Variants in SEMA3E observed in about 807,000 individuals in gnomAD.
SEMA3E encodes the protein semaphorin 3E, also known as semaphorin-3E.
Under a neutral mutation model 93.6 loss-of-function variants are expected in SEMA3E, and 49 were observed. The ratio of observed to expected loss-of-function variants is 0.52; its 90% CI spans 0.42 to 0.66. The LOEUF (loss-of-function observed/expected upper bound fraction) is 0.66, where lower values mean the gene tolerates loss of function less well. Ranked by LOEUF, SEMA3E falls within the 30% of genes least tolerant of loss-of-function variation. The pLI is 0.00. For missense variants in SEMA3E, 906 were observed against 964.8 expected, an observed-to-expected ratio of 0.94 and a Z score of 0.81; for synonymous variants, 363 against 330.7, an observed-to-expected ratio of 1.10 and a Z score of -1.06.
chr7:83,454,272 A>AAATATATATATATATATAT (rs1257792756), intron 4 of SEMA3E, among the ~76,000 whole-genome samples: 4 of 110,136 alleles, frequency 3.6e-5, no homozygotes, highest in African/African-American at 1.7e-4. Flanking sequence ...AAAAAAAAAA[A>AAATATATATATATATATAT]ATATATATAT....
At chr7:83,529,158 T>A (rs149853141) in intron 1 of SEMA3E, among the ~76,000 whole-genome samples, 1 of 152,248 alleles carries the variant, frequency 6.6e-6, no homozygotes, top group Non-Finnish European at 1.5e-5. Flanking sequence ...AAGCAGCTCT[T>A]CAGATGACTA....
At position 83,407,182 on chromosome 7, in the gene SEMA3E, T is replaced by C; in HGVS notation, c.728A>G (p.Lys243Arg). 1 of 1,613,556 alleles carries C rather than the reference T, an allele frequency of 6.2e-7. No homozygotes were observed. ...CTTCTCAGTAAAAAAGAAATATACT[T>C]TGTTGTCATCTCTGTCTTCATTGTC... is the stretch of plus-strand genomic sequence containing the variant. ...IPDNEDRDDN[K>R]VYFFFTEKAL... The change falls in exon 7 of 17, where the codon AAA becomes AGA. Residue 243 changes from lysine to arginine, a missense_variant. Lys to Arg is a conservative substitution (Grantham distance 26). Coordinates refer to ENST00000643230, the MANE Select transcript of SEMA3E (RefSeq NM_012431.3).
chr7:83,389,170 A>G (rs1441094560), intron 14 of SEMA3E, among the ~76,000 whole-genome samples: 1 of 152,124 alleles, frequency 6.6e-6, no homozygotes, highest in East Asian at 1.9e-4. Context: ...AAGTTGTATG[A>G]TTCTATATTG....
intron 2 of SEMA3E, among the ~76,000 whole-genome samples, chr7:83,474,333 C>T (rs1789965967): frequency 6.6e-6 from 1 of 151,784 alleles, no homozygotes; most frequent in South Asian, 2.1e-4. Context: ...AATTTATTAT[C>T]ATAGAAACAA....
At chr7:83,545,898 ATATTATATAT>A (rs199609687) in intron 1 of SEMA3E, among the ~76,000 whole-genome samples, 14,508 of 95,502 alleles carry the variant, frequency 0.15, 947 homozygotes, top group East Asian at 0.28. Context: ...TATGATAAAA[ATATTATATAT>A]TATATATATT....
intron 1 of SEMA3E, among the ~76,000 whole-genome samples, chr7:83,558,284 A>T (rs1791961507): frequency 6.6e-6 from 1 of 152,164 alleles, no homozygotes; most frequent in Non-Finnish European, 1.5e-5. Flanking sequence ...GCAATGATTC[A>T]AATAATTATG....
At chr7:83,614,476 T>C (rs1793325810) in intron 1 of SEMA3E, among the ~76,000 whole-genome samples, 1 of 152,144 alleles carries the variant, frequency 6.6e-6, no homozygotes, top group African/African-American at 2.4e-5. Context: ...TGCTTAGTCA[T>C]GTCTAGTAGC....
chr7:83,539,326 T>A (rs1312950599), intron 1 of SEMA3E, among the ~76,000 whole-genome samples: 1 of 152,194 alleles, frequency 6.6e-6, no homozygotes, highest in Non-Finnish European at 1.5e-5. Context: ...TTCTGCTTTA[T>A]CTTCTACAGT....
intron 2 of SEMA3E, among the ~76,000 whole-genome samples, chr7:83,480,456 G>A (rs1584277656): frequency 1.3e-5 from 2 of 151,952 alleles, no homozygotes; most frequent in African/African-American, 2.4e-5. Flanking sequence ...AACGCTATTA[G>A]TATTAAGATG....
intron 4 of SEMA3E, among the ~76,000 whole-genome samples, chr7:83,454,909 C>G (rs1260341269): frequency 3.3e-5 from 5 of 152,148 alleles, no homozygotes; most frequent in African/African-American, 1.2e-4. Flanking sequence ...CATTTCCAGT[C>G]TATAACATTT....
chr7:83,635,408 T>C (rs1793862374), intron 1 of SEMA3E, among the ~76,000 whole-genome samples: 1 of 151,858 alleles, frequency 6.6e-6, no homozygotes, highest in African/African-American at 2.4e-5. Flanking sequence ...AATAAAATAA[T>C]CCAGTGCTTC....
intron 1 of SEMA3E, among the ~76,000 whole-genome samples, chr7:83,588,768 G>C (rs1792687061): frequency 6.6e-6 from 1 of 152,102 alleles, no homozygotes; most frequent in South Asian, 2.1e-4. Context: ...AAGTAAATGA[G>C]TCATAACAAT....
At chr7:83,615,245 CT>C (rs1278790094) in intron 1 of SEMA3E, among the ~76,000 whole-genome samples, 1 of 152,070 alleles carries the variant, frequency 6.6e-6, no homozygotes, top group Non-Finnish European at 1.5e-5. Context: ...CATTGTTATC[CT>C]TAGTTGGAGA....
intron 1 of SEMA3E, among the ~76,000 whole-genome samples, chr7:83,514,584 C>T (rs1790890849): frequency 6.6e-6 from 1 of 151,930 alleles, no homozygotes; most frequent in African/African-American, 2.4e-5. Context: ...AACTGCATAC[C>T]AAACATTAAA....
chr7:83,453,421 G>GA lies in SEMA3E; in HGVS notation c.456+13060dup, dbSNP rs34099626. 4.9e-3 allele frequency among the ~76,000 whole-genome samples: 668 copies of GA among 136,874 alleles called. 9 individuals are homozygous for GA. The highest frequency in any genetic ancestry group is 0.016 in the African/African-American group (565 of 35,820). 89.8% of individuals were successfully genotyped at this position (136,874 alleles called of 152,430 possible). The stretch of plus-strand genomic sequence containing the variant: ...GTAAAATAATCCCATTCTCCCTACT[G>GA]AAAAAAAAAAAAAAAGTACCATTGT... On this transcript the variant is annotated intron_variant, in intron 4 of 16. Coordinates refer to ENST00000643230, the MANE Select transcript of SEMA3E (RefSeq NM_012431.3).
intron 1 of SEMA3E, among the ~76,000 whole-genome samples, chr7:83,558,541 T>C (rs993547189): frequency 1.3e-5 from 2 of 152,100 alleles, no homozygotes; most frequent in Non-Finnish European, 2.9e-5. Flanking sequence ...AAAAGTACAG[T>C]TGTCAAATTA....
At chr7:83,575,185 T>A (rs215287) in intron 1 of SEMA3E, among the ~76,000 whole-genome samples, 64,758 of 151,448 alleles carry the variant, frequency 0.43, 14,938 homozygotes, top group African/African-American at 0.61. Flanking sequence ...TTGTTGAAAA[T>A]TCTAAAAATA....
chr7:83,398,366 C>T lies in SEMA3E; in HGVS notation c.1367-1637G>A, dbSNP rs937956955. ...CCATTAAAGTAACAGAAAAAAACCG[C>T]AATTACTTTTGCACCAAACTAATAC... On this transcript the variant is annotated intron_variant, in intron 11 of 16. Transcript: ENST00000643230. Among the ~76,000 whole-genome samples, 3 of 152,112 alleles carry T rather than the reference C, an allele frequency of 2.0e-5. No individual in the cohort carries two copies. The East Asian group carries it at 5.8e-4, about 29-fold the overall frequency.
At chr7:83,524,932 C>T (rs1463905024) in intron 1 of SEMA3E, among the ~76,000 whole-genome samples, 1 of 151,938 alleles carries the variant, frequency 6.6e-6, no homozygotes, top group African/African-American at 2.4e-5. Context: ...ATCACTCTTA[C>T]TCTGGGGATT....
Sources: gnomAD v4.1 joint callset for allele counts (sites outside exome capture counted in the v4.1 genomes callset) on GRCh38, gnomAD v4.1.1 for gene constraint, MANE v1.5 for transcripts, NCBI Gene and HGNC (gene_info 2026-07-23, HGNC 2026-07-21) for gene names.